The following NAV3 variants were observed in gnomAD, a reference collection of about 807,000 sequenced individuals.
NAV3 encodes pore membrane and/or filament interacting like protein 1.
Under a neutral mutation model 244.7 loss-of-function variants are expected in NAV3, and 87 were observed. That is an observed-to-expected ratio of 0.36 (90% CI 0.30 to 0.42). The LOEUF (loss-of-function observed/expected upper bound fraction) is 0.42, where lower values mean the gene tolerates loss of function less well. Among genes scored for constraint, NAV3 ranks in the 20% least tolerant of loss-of-function variants. NAV3 has a pLI of 1.00. For synonymous variants in NAV3, 1,126 were observed against 1,042.2 expected (o/e 1.08, Z -1.55); for missense variants, 2,663 against 2,893.3 (o/e 0.92, Z 1.83).
chr12:78,198,446 C>T (rs1959228780), intron 35 of NAV3, among the ~76,000 whole-genome samples, 159 bp from the exon 36 acceptor site: 1 of 151,838 alleles, frequency 6.6e-6, no homozygotes, highest in Non-Finnish European at 1.5e-5. Context: ...ATTTCTAGTC[C>T]AGTGATCTTT....
At chr12:77,803,455 A>G (rs918284659) in intron 2 of NAV3, among the ~76,000 whole-genome samples, 51 of 152,202 alleles carry the variant, frequency 3.4e-4, no homozygotes, top group African/African-American at 1.2e-3. Context: ...TGGGACATGA[A>G]CTCATCCTTT....
At chr12:77,963,880 CTTCT>C (rs1318810760) in intron 3 of NAV3, among the ~76,000 whole-genome samples, 1 of 25,848 alleles carries the variant, frequency 3.9e-5, no homozygotes, top group Non-Finnish European at 7.3e-5. Context: ...TCCTTCCTTC[CTTCT>C]CCTTCCTTCT....
rs1874395105 is a variant in NAV3 at position 78,007,252 on chromosome 12, G to C, written c.1714G>C (p.Glu572Gln). ...GTCCTTATCTAAGCCTATAACCATGGAGAAAGCAAGTGCTTCTAGTTGTCC... is the reference window on the plus strand; with the variant it reads ...GTCCTTATCTAAGCCTATAACCATGCAGAAAGCAAGTGCTTCTAGTTGTCC... ...SQSLSKPITM[E>Q]KASASSCPAP... The change falls in exon 8 of 40, where the codon GAG (glutamate) becomes CAG (glutamine). Residue 572 changes from glutamate (E) to glutamine (Q), a missense_variant. Transcript: ENST00000397909. The C allele has an allele frequency of 6.2e-7, 1 of 1,614,024 alleles. No individual in the cohort carries two copies. Among genetic ancestry groups the C allele is most frequent in the Non-Finnish European group, 8.5e-7 (1 of 1,180,038 alleles).
intron 1 of NAV3, among the ~76,000 whole-genome samples, chr12:77,886,191 A>G (rs1212602232): frequency 6.6e-6 from 1 of 152,160 alleles, no homozygotes; most frequent in African/African-American, 2.4e-5. Flanking sequence ...CCGCAGGGTT[A>G]AGCACTACAT....
chr12:78,163,118 A>G (rs1468387770), intron 23 of NAV3, among the ~76,000 whole-genome samples: 1 of 151,518 alleles, frequency 6.6e-6, no homozygotes, highest in Non-Finnish European at 1.5e-5. Flanking sequence ...TACATACTTT[A>G]AAAATGGATA....
intron 2 of NAV3, among the ~76,000 whole-genome samples, chr12:77,687,396 T>C (rs994663115): frequency 2.6e-5 from 4 of 152,054 alleles, no homozygotes; most frequent in African/African-American, 9.7e-5. Context: ...TTAGAGCCCA[T>C]ATTCATCAGT....
chr12:77,726,753 C>A (rs1876896006), intron 2 of NAV3, among the ~76,000 whole-genome samples: 3 of 151,694 alleles, frequency 2.0e-5, no homozygotes, highest in Admixed American at 2.0e-4. Context: ...AGTAAAACAA[C>A]AATAACAACA....
At chr12:77,769,787 T>C (rs1345377791) in intron 2 of NAV3, among the ~76,000 whole-genome samples, 1 of 152,222 alleles carries the variant, frequency 6.6e-6, no homozygotes, top group Non-Finnish European at 1.5e-5. Context: ...AGACAGTACT[T>C]GAGCAGATCC....
At chr12:77,709,100 C>T (rs1384664218) in intron 2 of NAV3, among the ~76,000 whole-genome samples, 3 of 152,062 alleles carry the variant, frequency 2.0e-5, no homozygotes, top group Non-Finnish European at 4.4e-5. Context: ...AAAACTTATC[C>T]ACCATGATCA....
chr12:77,610,884 T>C (rs1870882003), intron 2 of NAV3, among the ~76,000 whole-genome samples: 1 of 151,400 alleles, frequency 6.6e-6, no homozygotes, highest in Non-Finnish European at 1.5e-5. Context: ...GTGTGATTGA[T>C]AAACTTTGAG....
At chr12:78,059,371 C>G (rs1324128287) in intron 12 of NAV3, among the ~76,000 whole-genome samples, 2 of 152,012 alleles carry the variant, frequency 1.3e-5, no homozygotes, top group Non-Finnish European at 2.9e-5. Context: ...TCACTGCAAC[C>G]TCTGCCTCCT....
intron 2 of NAV3, among the ~76,000 whole-genome samples, chr12:77,716,427 G>T (rs766481198): frequency 6.6e-6 from 1 of 151,604 alleles, no homozygotes; most frequent in Non-Finnish European, 1.5e-5. Flanking sequence ...GGTACAAGTG[G>T]CATAATATTG....
At chr12:77,732,369 G>A (rs1228354768) in intron 2 of NAV3, among the ~76,000 whole-genome samples, 1 of 151,936 alleles carries the variant, frequency 6.6e-6, no homozygotes, top group East Asian at 1.9e-4. Context: ...CTATACAGAG[G>A]GAGATTTGAA....
At chr12:77,685,374 TGAA>T (rs1874673525) in intron 2 of NAV3, among the ~76,000 whole-genome samples, 1 of 152,180 alleles carries the variant, frequency 6.6e-6, no homozygotes, top group East Asian at 1.9e-4. Context: ...CATATCATGG[TGAA>T]GAACTCTGAA....
At chr12:77,670,934 C>G (rs2137074462) in intron 2 of NAV3, among the ~76,000 whole-genome samples, 2 of 152,122 alleles carry the variant, frequency 1.3e-5, no homozygotes, top group South Asian at 4.1e-4. Context: ...GAAGTCCTAG[C>G]CAGAGCAATC....
chr12:77,877,189 C>CA (rs1565881709), intron 1 of NAV3, among the ~76,000 whole-genome samples: 1 of 151,680 alleles, frequency 6.6e-6, no homozygotes, highest in Non-Finnish European at 1.5e-5. Context: ...TCCATAAAAA[C>CA]AAAAAAAGAG....
chr12:78,147,870 T>A (rs74926395), intron 21 of NAV3, among the ~76,000 whole-genome samples: 3,601 of 152,128 alleles, frequency 0.024, 158 homozygotes, highest in African/African-American at 0.083. Context: ...ATGAGAAGCA[T>A]CAAAAGTAGA....
At chr12:77,976,662 CTTTCTTTT>C (rs1227698486) in intron 5 of NAV3, among the ~76,000 whole-genome samples, 24 of 77,388 alleles carry the variant, frequency 3.1e-4, no homozygotes, top group Middle Eastern at 6.0e-3. Flanking sequence ...TTCTTTCTTT[CTTTCTTTT>C]TTTCTTTTTT....
intron 2 of NAV3, among the ~76,000 whole-genome samples, chr12:77,572,852 C>T (rs1868892588): frequency 6.6e-6 from 1 of 152,156 alleles, no homozygotes; most frequent in Non-Finnish European, 1.5e-5. Context: ...GTTTAGCGAG[C>T]TTTTTAGTAA....
Sources: allele counts gnomAD v4.1 joint callset (sites outside exome capture counted in the v4.1 genomes callset), GRCh38; gene constraint gnomAD v4.1.1; transcripts MANE v1.5; gene names NCBI Gene and HGNC (gene_info 2026-07-23, HGNC 2026-07-21).